HOXB3: variants seen among roughly 807,000 people sequenced by gnomAD.
HOXB3 encodes the protein homeobox protein Hox-B3.
HOXB3 carries 17 observed loss-of-function variants against 29.2 expected under a neutral mutation model. The observed-to-expected ratio is 0.58, with a 90% CI of 0.40 to 0.87. The LOEUF is 0.87. HOXB3 is among the 40% of genes least tolerant of loss of function. The pLI, the probability that HOXB3 is intolerant of heterozygous loss-of-function variation, is 0.00. For synonymous variants in HOXB3, 317 were observed against 285.9 expected, an observed-to-expected ratio of 1.11 and a Z score of -1.10; for missense variants, 637 against 616.3, an observed-to-expected ratio of 1.03 and a Z score of -0.35.
rs1408763025 is a variant in HOXB3, at chr17:48,555,333, A to AGG, written c.-159+196_-159+197dup. The AGG allele has an allele frequency of 2.9e-5, 14 of 488,008 alleles. No homozygotes were observed. In the African/African-American group the frequency reaches 3.7e-4, roughly 13 times the overall value. The allele number at this position is 488,008 out of a possible 1,614,324, so 30.2% of individuals were successfully genotyped here. ...GCAGGAAGAGAGAGGGGAGAGAGAGAGGGAGAGAGAGAGAGAGAGAGAGAG... is the reference window on the plus strand; with the variant it reads ...GCAGGAAGAGAGAGGGGAGAGAGAGAGGGGGAGAGAGAGAGAGAGAGAGAGAG... On this transcript the variant is annotated intron_variant, in intron 3 of 4. Coordinates refer to ENST00000498678, the MANE Select transcript of HOXB3 (RefSeq NM_001384749.1).
At chr17:48,557,542 G>A (rs1430407619) in intron 2 of HOXB3, among the ~76,000 whole-genome samples, 1 of 152,160 alleles carries the variant, frequency 6.6e-6, no homozygotes, top group Non-Finnish European at 1.5e-5. Context: ...GTGATTTGGA[G>A]CAGCCGGTTT....
intron 2 of HOXB3, among the ~76,000 whole-genome samples, chr17:48,565,463 G>A (rs1344703991): frequency 1.3e-5 from 2 of 152,204 alleles, no homozygotes; most frequent in Non-Finnish European, 2.9e-5. Flanking sequence ...AAGGGTTTGG[G>A]CTTTTTTTCT....
intron 2 of HOXB3, among the ~76,000 whole-genome samples, chr17:48,566,845 T>C (rs2069406058): frequency 6.6e-6 from 1 of 152,122 alleles, no homozygotes; most frequent in African/African-American, 2.4e-5. Flanking sequence ...CCCCCAACAC[T>C]TTCCAGATGA....
chr17:48,567,797 C>G (rs1469878631), intron 2 of HOXB3, among the ~76,000 whole-genome samples: 2 of 152,228 alleles, frequency 1.3e-5, no homozygotes, highest in Non-Finnish European at 2.9e-5. Context: ...CAGAGTCCCT[C>G]ACTGCTGAGG....
chr17:48,582,743 C>CCTTCT (rs1382850453), intron 1 of HOXB3: 2 of 152,242 alleles, frequency 1.3e-5, no homozygotes, highest in African/African-American at 4.8e-5. Flanking sequence ...TTCGCCAGAG[C>CCTTCT]CTTCTCTTCT....
chr17:48,578,263 T>G (rs1205895976), intron 1 of HOXB3: 1 of 1,613,974 alleles, frequency 6.2e-7, no homozygotes, highest in Non-Finnish European at 8.5e-7. Flanking sequence ...ATTCCTCGCA[T>G]GGAGGGAACT....
At chr17:48,582,775 A>T (rs1418440820) in intron 1 of HOXB3, among the ~76,000 whole-genome samples, 5 of 152,172 alleles carry the variant, frequency 3.3e-5, no homozygotes, top group Non-Finnish European at 7.3e-5. Context: ...CCCCACCCGA[A>T]AAAAGTCCCA....
chr17:48,581,737 G>A (rs1457379396), intron 1 of HOXB3: 2 of 152,318 alleles, frequency 1.3e-5, no homozygotes, highest in African/African-American at 4.8e-5. Flanking sequence ...ACAGGCGGCA[G>A]AGCCACCGCG....
At chr17:48,580,125 A>G (rs2069896895) in intron 1 of HOXB3, 37 of 313,420 alleles carry the variant, frequency 1.2e-4, no homozygotes, top group South Asian at 9.9e-4. Flanking sequence ...TTCTATTAGA[A>G]TTTCAAGTAG....
intron 2 of HOXB3, among the ~76,000 whole-genome samples, chr17:48,572,569 A>G (rs2069617858): frequency 6.6e-6 from 1 of 152,080 alleles, no homozygotes; most frequent in African/African-American, 2.4e-5. Flanking sequence ...TAGTAAAGAG[A>G]TGAACTGGAC....
intron 1 of HOXB3, among the ~76,000 whole-genome samples, chr17:48,589,739 T>C (rs1191043220): frequency 6.6e-6 from 1 of 152,172 alleles, no homozygotes; most frequent in Non-Finnish European, 1.5e-5. Flanking sequence ...ATAAAGTTTC[T>C]TTCCGGAGGA....
At chr17:48,577,153 G>T (rs1261623243) in intron 1 of HOXB3, 2 of 894,258 alleles carry the variant, frequency 2.2e-6, no homozygotes, top group Non-Finnish European at 3.3e-6. Flanking sequence ...AGGGAGAGCG[G>T]GGAAAAACGA....
intron 1 of HOXB3, chr17:48,579,188 G>T (rs993358403): frequency 4.6e-5 from 7 of 152,224 alleles, no homozygotes; most frequent in African/African-American, 1.7e-4. Context: ...AAACGACTTG[G>T]TTTCCCACAC....
intron 1 of HOXB3, chr17:48,576,404 G>A (rs952623244): frequency 1.6e-5 from 4 of 251,320 alleles, no homozygotes; most frequent in Non-Finnish European, 3.0e-5. Context: ...ACGAGGAGCT[G>A]CAGCCTCCTC....
At chr17:48,573,749 A>G (rs1179488252) in intron 2 of HOXB3, 88 bp downstream of exon 2, 3 of 653,326 alleles carry the variant, frequency 4.6e-6, no homozygotes, top group Non-Finnish European at 8.2e-6. Context: ...AAGAAAAAGG[A>G]AGAGGCGAGA....
At chr17:48,572,402 C>G (rs897264483) in intron 2 of HOXB3, among the ~76,000 whole-genome samples, 9 of 152,208 alleles carry the variant, frequency 5.9e-5, no homozygotes, top group Non-Finnish European at 1.2e-4. Flanking sequence ...AGGGAGATGA[C>G]AGCCTCTGAA....
rs1019658654 is a variant in HOXB3 at position 48,549,004 on chromosome 17, A to G, written c.*1330T>C. The G allele has an allele frequency of 6.5e-6, 1 of 152,690 alleles. No individual in the cohort carries two copies. The highest frequency in any genetic ancestry group is 2.4e-5 in the African/African-American group (1 of 41,466). The allele number at this position is 152,690 out of a possible 1,614,324, so 9.5% of individuals were successfully genotyped here. A position where few individuals can be genotyped will look rare whatever the true frequency, so the allele number is the denominator to read the frequency against. On this transcript the variant is annotated 3_prime_UTR_variant, in exon 5 of 5. Transcript: ENST00000498678. ...TCTAGTTCTACAAATTCAGGACTAT[A>G]CAGTGACGATTAGGAGCTGAGTTCA...
At chr17:48,576,990 T>C in intron 1 of HOXB3, 6 of 1,608,038 alleles carry the variant, frequency 3.7e-6, no homozygotes, top group African/African-American at 1.3e-5. Context: ...CCGAGAGCGC[T>C]TGGGCTCCCC....
Position 48,555,679 on chromosome 17 carries a change from C to T in HOXB3, c.-246-61G>A, listed in dbSNP as rs1226612412. On this transcript the variant is annotated intron_variant, in intron 2 of 4. Coordinates refer to ENST00000498678, the MANE Select transcript of HOXB3 (RefSeq NM_001384749.1). ...GCTGCGTCGCCCCCCGCCCCCCCGC[C>T]CCCGCCCCGCAAAGCCACCCCGGCT... is the stretch of plus-strand genomic sequence containing the variant. 1.3e-5 allele frequency: 9 copies of T among 694,454 alleles called. No individual in the cohort carries two copies. The East Asian group carries it at 1.9e-4, about 15-fold the overall frequency. The allele number at this position is 694,454 out of a possible 1,614,324, so 43.0% of individuals were successfully genotyped here. A position where few individuals can be genotyped will look rare whatever the true frequency, so the allele number is the denominator to read the frequency against.
Sources: gnomAD v4.1 joint callset for allele counts (sites outside exome capture counted in the v4.1 genomes callset) on GRCh38, gnomAD v4.1.1 for gene constraint, MANE v1.5 for transcripts, NCBI Gene and HGNC (gene_info 2026-07-23, HGNC 2026-07-21) for gene names.